Variants in NEGR1 observed in about 807,000 individuals in gnomAD.
The protein encoded by NEGR1 is IgLON family member 4.
Under a neutral mutation model 40.9 loss-of-function variants are expected in NEGR1, and 10 were observed. That is an observed-to-expected ratio of 0.24 (90% confidence interval 0.15 to 0.42). The LOEUF (loss-of-function observed/expected upper bound fraction) is 0.42. Among genes scored for constraint, NEGR1 ranks in the 10% least tolerant of loss-of-function variants. The pLI, the probability that NEGR1 is intolerant of heterozygous loss-of-function variation, is 1.00. For synonymous variants in NEGR1, 185 were observed against 166.8 expected (o/e 1.11, Z -0.84); for missense variants, 352 against 438.9 (o/e 0.80, Z 1.77).
chr1:71,945,636 G>A (rs929999743), intron 1 of NEGR1, among the ~76,000 whole-genome samples: 1 of 151,870 alleles, frequency 6.6e-6, no homozygotes, highest in Non-Finnish European at 1.5e-5. Flanking sequence ...CTTATAAGCA[G>A]AACATGTAGA....
chr1:71,598,914 C>T (rs1186932321), intron 5 of NEGR1, among the ~76,000 whole-genome samples: 1 of 152,108 alleles, frequency 6.6e-6, no homozygotes, highest in Non-Finnish European at 1.5e-5. Flanking sequence ...TTATTAATAT[C>T]CATCTTCCTC....
chr1:72,018,093 G>A (rs1646727539), intron 1 of NEGR1, among the ~76,000 whole-genome samples: 1 of 152,096 alleles, frequency 6.6e-6, no homozygotes, highest in African/African-American at 2.4e-5. Flanking sequence ...TGAACAGGTT[G>A]ATGAATGAAT....
At chr1:71,489,457 G>T (rs74426030) in intron 6 of NEGR1, among the ~76,000 whole-genome samples, 1 of 151,710 alleles carries the variant, frequency 6.6e-6, no homozygotes, top group Non-Finnish European at 1.5e-5. Flanking sequence ...TAAGTTATTC[G>T]TGATGGTTTC....
intron 1 of NEGR1, among the ~76,000 whole-genome samples, chr1:71,988,038 A>G (rs1008934209): frequency 6.6e-6 from 1 of 152,248 alleles, no homozygotes; most frequent in African/African-American, 2.4e-5. Flanking sequence ...CTCACAGGCC[A>G]TAGATGAAGA....
chr1:71,584,925 T>C (rs1393856962), intron 6 of NEGR1, among the ~76,000 whole-genome samples: 1 of 152,128 alleles, frequency 6.6e-6, no homozygotes, highest in African/African-American at 2.4e-5. Context: ...TGAAATAAAA[T>C]AGCAAGCAAG....
At position 71,796,522 on chromosome 1, in the gene NEGR1, C is replaced by T. The variant is rs1297324070; in HGVS notation, c.410-20225G>A. Among the ~76,000 whole-genome samples the T allele has an allele frequency of 2.6e-5, 4 of 152,240 alleles. No homozygotes were observed. The East Asian group carries it at 7.7e-4, about 29-fold the overall frequency. On this transcript the variant is annotated intron_variant, in intron 2 of 6. Coordinates refer to ENST00000357731, the MANE Select transcript of NEGR1 (RefSeq NM_173808.3). ...TCAAAAGCTACAAGAAAGGCTCAAG[C>T]GAGCTGGATGCGGCATAGCCTGTGG...
intron 4 of NEGR1, among the ~76,000 whole-genome samples, chr1:71,642,799 T>C (rs1008244862): frequency 5.9e-5 from 9 of 152,110 alleles, no homozygotes; most frequent in Non-Finnish European, 1.2e-4. Flanking sequence ...CTTGGCAATT[T>C]ATAAATATAT....
chr1:71,885,234 G>T (rs998128344), intron 2 of NEGR1, among the ~76,000 whole-genome samples: 5 of 152,092 alleles, frequency 3.3e-5, no homozygotes, highest in Admixed American at 6.5e-5. Flanking sequence ...ACTCTCCAAG[G>T]TACCTTCCTT....
intron 2 of NEGR1, among the ~76,000 whole-genome samples, chr1:71,913,363 C>A (rs185384670): frequency 3.3e-5 from 5 of 152,304 alleles, no homozygotes; most frequent in African/African-American, 1.2e-4. Context: ...GATTCGCCCA[C>A]CTCAGCCTCC....
intron 6 of NEGR1, among the ~76,000 whole-genome samples, chr1:71,544,479 A>C (rs72940305): frequency 0.046 from 7,029 of 151,812 alleles, 552 homozygotes; most frequent in African/African-American, 0.16. Flanking sequence ...TCTGGGCTAC[A>C]GTTTACTAAC....
chr1:71,988,923 TAAAA>T (rs10604833), intron 1 of NEGR1, among the ~76,000 whole-genome samples: 7 of 82,232 alleles, frequency 8.5e-5, no homozygotes, highest in South Asian at 4.1e-4. Context: ...TATTGGATGT[TAAAA>T]AAAAAAAAAA....
intron 6 of NEGR1, among the ~76,000 whole-genome samples, chr1:71,451,350 T>TTTTTTTTTA (rs1646626701): frequency 6.6e-6 from 1 of 151,258 alleles, no homozygotes; most frequent in African/African-American, 2.4e-5. Flanking sequence ...TTTTTTTTTT[T>TTTTTTTTTA]GAGTCAAAGT....
At chr1:71,833,489 G>T (rs1658909548) in intron 2 of NEGR1, among the ~76,000 whole-genome samples, 1 of 151,984 alleles carries the variant, frequency 6.6e-6, no homozygotes, top group Admixed American at 6.6e-5. Context: ...AATCTTTCTG[G>T]GGGGAAAAAA....
At chr1:71,421,527 T>C (rs1646394004) in intron 6 of NEGR1, 1 of 152,136 alleles carries the variant, frequency 6.6e-6, no homozygotes, top group African/African-American at 2.4e-5. Flanking sequence ...ACTTCTCTAC[T>C]TCCTAGCACA....
At chr1:71,615,631 T>C (rs1393658301) in intron 4 of NEGR1, among the ~76,000 whole-genome samples, 1 of 152,214 alleles carries the variant, frequency 6.6e-6, no homozygotes, top group Non-Finnish European at 1.5e-5. Context: ...TAGGTGAGAA[T>C]AATCTAGAAG....
At chr1:72,162,742 T>C (rs533838916) in intron 1 of NEGR1, among the ~76,000 whole-genome samples, 3 of 152,248 alleles carry the variant, frequency 2.0e-5, no homozygotes, top group Admixed American at 1.3e-4. Context: ...GTTAGACCAA[T>C]GAAGTATTGA....
intron 6 of NEGR1, among the ~76,000 whole-genome samples, chr1:71,455,244 T>G (rs533548104): frequency 6.6e-6 from 1 of 152,304 alleles, no homozygotes; most frequent in African/African-American, 2.4e-5. Flanking sequence ...AACCCTGCCC[T>G]TGAGCCTAAT....
At chr1:71,818,113 T>C (rs1658294155) in intron 2 of NEGR1, among the ~76,000 whole-genome samples, 1 of 151,954 alleles carries the variant, frequency 6.6e-6, no homozygotes, top group African/African-American at 2.4e-5. Flanking sequence ...AGTTCAGCAA[T>C]TGTGAAAAAC....
intron 1 of NEGR1, among the ~76,000 whole-genome samples, chr1:72,010,795 G>A (rs1254592138): frequency 6.6e-6 from 1 of 152,136 alleles, no homozygotes; most frequent in Admixed American, 6.6e-5. Context: ...GAATATGACT[G>A]GGTGGATGGA....
Sources: gnomAD v4.1 joint callset for allele counts (sites outside exome capture counted in the v4.1 genomes callset) on GRCh38, gnomAD v4.1.1 for gene constraint, MANE v1.5 for transcripts, NCBI Gene and HGNC (gene_info 2026-07-23, HGNC 2026-07-21) for gene names.